CNIH3: variants seen among roughly 807,000 people sequenced by gnomAD.
CNIH3 encodes cornichon family AMPA receptor auxiliary protein 3, also known as protein cornichon homolog 3.
A neutral mutation model predicts 24.1 loss-of-function variants in CNIH3; 14 were observed. The observed-to-expected ratio is 0.58, with a 90% CI of 0.38 to 0.91. CNIH3 has a LOEUF of 0.91. Ranked by LOEUF, CNIH3 falls within the 40% of genes least tolerant of loss-of-function variation. The pLI is 0.00. For missense variants in CNIH3, 178 were observed against 196.8 expected (o/e 0.90, Z 0.57); for synonymous variants, 68 against 73.8 (o/e 0.92, Z 0.40).
chr1:224,479,085 CA>C (rs1676698532), intron 1 of CNIH3, among the ~76,000 whole-genome samples: 1 of 151,416 alleles, frequency 6.6e-6, no homozygotes, highest in South Asian at 2.1e-4. Context: ...TGGCCCCTCC[CA>C]AATCTGATGT....
At chr1:224,729,830 T>A (rs185712770) in intron 3 of CNIH3, among the ~76,000 whole-genome samples, 1 of 152,280 alleles carries the variant, frequency 6.6e-6, no homozygotes, top group Non-Finnish European at 1.5e-5. Flanking sequence ...AGGCCTTTCT[T>A]GGTCAGGATC....
chr1:224,534,951 C>A (rs1376085023), intron 2 of CNIH3, among the ~76,000 whole-genome samples: 1 of 152,172 alleles, frequency 6.6e-6, no homozygotes, highest in Non-Finnish European at 1.5e-5. Context: ...GTGTGCCTTG[C>A]AGATTCAGCC....
chr1:224,609,447 T>A (rs1276013236), intron 3 of CNIH3, among the ~76,000 whole-genome samples: 2 of 151,734 alleles, frequency 1.3e-5, no homozygotes, highest in Non-Finnish European at 2.9e-5. Context: ...TGGTGGGGAC[T>A]GGAGGGAGTG....
chr1:224,506,017 G>C (rs1457732443), intron 1 of CNIH3, among the ~76,000 whole-genome samples: 2 of 152,158 alleles, frequency 1.3e-5, no homozygotes, highest in African/African-American at 4.8e-5. Context: ...TCCCTCCCCT[G>C]CTCCCAGTTG....
chr1:224,656,595 C>T (rs1292194643), intron 1 of CNIH3, among the ~76,000 whole-genome samples: 6 of 152,104 alleles, frequency 3.9e-5, no homozygotes, highest in Non-Finnish European at 7.4e-5. Flanking sequence ...CCAGTGGGAT[C>T]CCAGAGGGAC....
intron 1 of CNIH3, among the ~76,000 whole-genome samples, chr1:224,674,780 C>T (rs558721012): frequency 1.2e-4 from 18 of 150,148 alleles, no homozygotes; most frequent in Admixed American, 1.1e-3. Flanking sequence ...TTCTCGGTGG[C>T]TTCCTCTGGC....
chr1:224,690,231 C>T (rs554087291), intron 3 of CNIH3, among the ~76,000 whole-genome samples: 30 of 152,272 alleles, frequency 2.0e-4, no homozygotes, highest in African/African-American at 7.0e-4. Flanking sequence ...GACAGAGTCT[C>T]ACTTTGTTGT....
intron 3 of CNIH3, among the ~76,000 whole-genome samples, chr1:224,712,894 G>A (rs981810505): frequency 9.2e-5 from 14 of 152,186 alleles, no homozygotes; most frequent in Admixed American, 8.5e-4. Context: ...TCTAGTCCCT[G>A]AGGTTGCTCT....
intron 1 of CNIH3, among the ~76,000 whole-genome samples, chr1:224,519,731 T>C (rs1678547670): frequency 6.6e-6 from 1 of 150,790 alleles, no homozygotes; most frequent in Non-Finnish European, 1.5e-5. Flanking sequence ...ATATGTGACA[T>C]GTATAGTTTA....
intron 1 of CNIH3, among the ~76,000 whole-genome samples, chr1:224,644,733 T>C (rs1389949269): frequency 3.3e-5 from 5 of 152,216 alleles, no homozygotes; most frequent in African/African-American, 1.2e-4. Context: ...TGCTCAACCG[T>C]TGCCACTAGA....
intron 1 of CNIH3, chr1:224,459,074 A>G (rs1373298419): frequency 4.0e-5 from 13 of 327,176 alleles, no homozygotes; most frequent in Non-Finnish European, 5.7e-5. Flanking sequence ...TCCAGTGTCT[A>G]TTATCTGTTT....
At chr1:224,722,603 G>T (rs10915705) in intron 3 of CNIH3, among the ~76,000 whole-genome samples, 73,244 of 151,932 alleles carry the variant, frequency 0.48, 18,228 homozygotes, top group African/African-American at 0.54. Flanking sequence ...AGTGGCTTAC[G>T]TGGGACCTTG....
intron 1 of CNIH3, among the ~76,000 whole-genome samples, chr1:224,450,130 A>T (rs1675333058): frequency 6.6e-6 from 1 of 152,196 alleles, no homozygotes; most frequent in African/African-American, 2.4e-5. Context: ...TATGCAAGAC[A>T]CTTCAAGGTG....
chr1:224,529,469 C>T (rs1465923102), intron 2 of CNIH3: 1 of 152,036 alleles, frequency 6.6e-6, no homozygotes, highest in Non-Finnish European at 1.5e-5. Context: ...TCTTACCAGG[C>T]CGGGGGTTTT....
At chr1:224,566,061 TTTAA>T (rs1553268139) in intron 3 of CNIH3, 1 of 152,092 alleles carries the variant, frequency 6.6e-6, no homozygotes, top group Non-Finnish European at 1.5e-5. Context: ...TCCCCATTGC[TTTAA>T]TTAACTTAGA....
chr1:224,738,118 T>C (rs1235599772), intron 5 of CNIH3, among the ~76,000 whole-genome samples: 1 of 152,218 alleles, frequency 6.6e-6, no homozygotes, highest in Non-Finnish European at 1.5e-5. Flanking sequence ...GCGTCTGCAG[T>C]GTCCTGGCCC....
intron 1 of CNIH3, among the ~76,000 whole-genome samples, chr1:224,480,903 AT>A (rs923227983): frequency 1.3e-4 from 20 of 151,868 alleles, no homozygotes; most frequent in Non-Finnish European, 2.5e-4. Flanking sequence ...TTGCTTCCAT[AT>A]TTTTTTTGGT....
chr1:224,647,038 G>T (rs556599436), intron 1 of CNIH3, among the ~76,000 whole-genome samples: 1 of 152,124 alleles, frequency 6.6e-6, no homozygotes, highest in East Asian at 1.9e-4. Flanking sequence ...GCAAGCCAGG[G>T]CGCAGTGGTG....
chr1:224,566,385 A>G (rs1294264369), intron 4 of CNIH3: 1 of 149,496 alleles, frequency 6.7e-6, no homozygotes, highest in Non-Finnish European at 1.5e-5. Context: ...TTTTTTTTAA[A>G]TTATACTTTA....
Sources: allele counts gnomAD v4.1 joint callset (sites outside exome capture counted in the v4.1 genomes callset), GRCh38; gene constraint gnomAD v4.1.1; transcripts MANE v1.5; gene names NCBI Gene and HGNC (gene_info 2026-07-23, HGNC 2026-07-21).